CCKAR: variants seen among roughly 807,000 people sequenced by gnomAD.
CCKAR encodes the protein cholecystokinin A receptor, also known as cholecystokinin receptor type A.
A neutral mutation model predicts 29.8 loss-of-function variants in CCKAR; 21 were observed. The ratio of observed to expected loss-of-function variants is 0.70; its 90% confidence interval spans 0.50 to 1.01. The LOEUF (loss-of-function observed/expected upper bound fraction) is 1.01, where lower values mean the gene tolerates loss of function less well. Ranked by LOEUF, CCKAR falls within the 50% of genes least tolerant of loss-of-function variation. The probability of loss-of-function intolerance (pLI) is 0.00; values close to 1 mark genes in which losing one functional copy is unlikely to be tolerated. For missense variants in CCKAR, 570 were observed against 560.6 expected, an observed-to-expected ratio of 1.02 and a Z score of -0.17; for synonymous variants, 238 against 221.3, an observed-to-expected ratio of 1.08 and a Z score of -0.67.
intron 4 of CCKAR, 134 bp from the exon 5 acceptor site, chr4:26,482,304 A>T: frequency 4.1e-6 from 3 of 737,722 alleles, no homozygotes; most frequent in Non-Finnish European, 6.8e-6. Flanking sequence ...CTGGCCTTAC[A>T]CTGATATGGG....
Position 26,485,706 on chromosome 4 carries a change from G to C in CCKAR, c.557C>G (p.Thr186Ser). ...ATTCGCGGTCTGGTTGTTATTTTTGGTAAAAGGCACCAAGTTGCTATAAAT... is the reference window on the plus strand; with the variant it reads ...ATTCGCGGTCTGGTTGTTATTTTTGCTAAAAGGCACCAAGTTGCTATAAAT... The part of the protein sequence containing the change: ...YPIYSNLVPF[T>S]KNNNQTANMC... Residue 186 changes from threonine to serine, a missense_variant, in exon 3 of 5, where the codon ACC becomes AGC. By Grantham distance (58) the Thr-to-Ser change is moderately conservative. Transcript: ENST00000295589. 2 of 1,614,136 alleles carry C rather than the reference G, an allele frequency of 1.2e-6. No homozygotes were observed. Among genetic ancestry groups the C allele is most frequent in the Non-Finnish European group, 1.7e-6 (2 of 1,180,016 alleles).
chr4:26,485,961 A>G, intron 2 of CCKAR, 63 bp from the exon 3 acceptor site: 1 of 1,471,200 alleles, frequency 6.8e-7, no homozygotes, highest in Non-Finnish European at 9.4e-7. Flanking sequence ...TTTGCACATT[A>G]GCTTGAATAT....
chr4:26,481,444 C>G lies in CCKAR; in HGVS notation c.*194G>C. On this transcript the variant is annotated 3_prime_UTR_variant, in exon 5 of 5. Transcript: ENST00000295589. ...TATCCTGCTTTGAACTGCCTAGAAA[C>G]CAATCATGGCCCCACTGGAGCAGTG... 1.6e-6 allele frequency: 1 copy of G among 641,998 alleles called. No homozygotes were observed. 39.8% of individuals were successfully genotyped at this position (641,998 alleles called of 1,614,324 possible).
At chr4:26,488,587 T>C (rs1337759926) in intron 2 of CCKAR, among the ~76,000 whole-genome samples, 1 of 152,152 alleles carries the variant, frequency 6.6e-6, no homozygotes, top group Admixed American at 6.5e-5. Flanking sequence ...CCAATCAGGG[T>C]CAGCTTAGCG....
rs948330611 is a variant in CCKAR, at chr4:26,485,724, C to T, written c.539G>A (p.Ser180Asn). Residue 180 changes from serine to asparagine, a missense_variant, in exon 3 of 5, where the codon AGC (serine) becomes AAC (asparagine). Ser to Asn is a conservative substitution (Grantham distance 46). Transcript: ENST00000295589. ...ATTTTTGGTAAAAGGCACCAAGTTG[C>T]TATAAATGGGGTACGGAGTCATGAT... Reference protein sequence around the residue: ...FTIMTPYPIYSNLVPFTKNNN... With the variant: ...FTIMTPYPIYNNLVPFTKNNN... 4.3e-6 allele frequency: 7 copies of T among 1,614,166 alleles called. No homozygotes were observed. The South Asian group carries it at 5.5e-5, about 13-fold the overall frequency.
At position 26,481,622 on chromosome 4, in the gene CCKAR, A is replaced by C; in HGVS notation, c.*16T>G. 2 of 1,612,754 alleles carry C rather than the reference A, an allele frequency of 1.2e-6. No individual in the cohort carries two copies. Among genetic ancestry groups the C allele is most frequent in the Non-Finnish European group, 8.5e-7 (1 of 1,179,236 alleles). On this transcript the variant is annotated 3_prime_UTR_variant, in exon 5 of 5. Transcript: ENST00000295589. ...CCTCCCTGCCTTCCTTCTGCGGTGG[A>C]GGGTCAGGGGACATCTCACTGGGGT...
chr4:26,481,409 T>C lies in CCKAR; in HGVS notation c.*229A>G, dbSNP rs200714783. The C allele has an allele frequency of 1.0e-5, 6 of 584,808 alleles. No homozygotes were observed. Among genetic ancestry groups the C allele is most frequent in the Non-Finnish European group, 1.5e-5 (5 of 330,716 alleles). 36.2% of individuals were successfully genotyped at this position (584,808 alleles called of 1,614,324 possible). A position where few individuals can be genotyped will look rare whatever the true frequency, so the allele number is the denominator to read the frequency against. On this transcript the variant is annotated 3_prime_UTR_variant, in exon 5 of 5. Transcript: ENST00000295589. ...GCTGAGGATTTTCTGATGGTGAGTGTTACTTAACATATCCTGCTTTGAACT... is the reference window on the plus strand; with the variant it reads ...GCTGAGGATTTTCTGATGGTGAGTGCTACTTAACATATCCTGCTTTGAACT...
chr4:26,486,118 C>A (rs1737446199), intron 2 of CCKAR, among the ~76,000 whole-genome samples: 2 of 152,136 alleles, frequency 1.3e-5, no homozygotes, highest in Admixed American at 1.3e-4. Flanking sequence ...GTAAATATAT[C>A]TCATTGCCAA....
rs1737507328 is a variant in CCKAR, at chr4:26,489,299, T to C, written c.298A>G (p.Ile100Val). The C allele has an allele frequency of 6.2e-7, 1 of 1,613,890 alleles. No homozygotes were observed. The highest frequency in any genetic ancestry group is 1.3e-5 in the African/African-American group (1 of 74,860). The change falls in exon 2 of 5, where the codon ATC becomes GTC. Residue 100 changes from isoleucine (I) to valine (V), a missense_variant. By Grantham distance (29) the Ile-to-Val change is conservative (BLOSUM62 3). Coordinates refer to ENST00000295589, the MANE Select transcript of CCKAR (RefSeq NM_000730.3). ...ATGAAATCCTTGAGCAGATTGGGGA[T>C]GAGGTTGAACGGCATGCAGAAGAGA... is the stretch of plus-strand genomic sequence containing the variant. The part of the protein sequence containing the change: ...LCLFCMPFNL[I>V]PNLLKDFIFG...
At chr4:26,484,941 C>T (rs1292865047) in intron 3 of CCKAR, among the ~76,000 whole-genome samples, 4 of 149,466 alleles carry the variant, frequency 2.7e-5, no homozygotes, top group Non-Finnish European at 5.9e-5. Context: ...CCTGTAATCC[C>T]AGTACTTTGG....
At chr4:26,483,331 A>C in intron 3 of CCKAR, 48 bp from the exon 4 acceptor site, 2 of 1,593,158 alleles carry the variant, frequency 1.3e-6, no homozygotes, top group Non-Finnish European at 1.7e-6. Context: ...TAGACCTTCA[A>C]ACTCAAATGG....
chr4:26,482,215 C>T, intron 4 of CCKAR, 45 bp from the exon 5 acceptor site: 1 of 1,552,876 alleles, frequency 6.4e-7, no homozygotes, highest in Non-Finnish European at 8.7e-7. Context: ...ATGGGTCATG[C>T]CCGGTAGAAG....
chr4:26,490,016 C>T, intron 1 of CCKAR, 140 bp downstream of exon 1: 1 of 609,534 alleles, frequency 1.6e-6, no homozygotes. Flanking sequence ...ATCTCTTCTC[C>T]AAACTTCTGA....
At chr4:26,486,907 C>A (rs972973436) in intron 2 of CCKAR, among the ~76,000 whole-genome samples, 3 of 152,076 alleles carry the variant, frequency 2.0e-5, no homozygotes, top group African/African-American at 7.2e-5. Flanking sequence ...GAGCGGCACT[C>A]CATCTCAAAA....
Position 26,490,289 on chromosome 4 carries a change from A to C in CCKAR, c.-22T>G. ...CCATCCTTGCCTGCTGCTTTCCACC[A>C]AGTGCTGGAGAGCTGGTGAATTGCT... On this transcript the variant is annotated 5_prime_UTR_variant, in exon 1 of 5. Coordinates refer to ENST00000295589, the MANE Select transcript of CCKAR (RefSeq NM_000730.3). 6.6e-7 allele frequency: 1 copy of C among 1,507,132 alleles called. No individual in the cohort carries two copies. Among genetic ancestry groups the C allele is most frequent in the Non-Finnish European group, 9.2e-7 (1 of 1,083,238 alleles). 93.4% of individuals were successfully genotyped at this position (1,507,132 alleles called of 1,614,324 possible). A position where few individuals can be genotyped will look rare whatever the true frequency, so the allele number is the denominator to read the frequency against.
intron 3 of CCKAR, among the ~76,000 whole-genome samples, chr4:26,485,336 G>A (rs906493366): frequency 6.6e-6 from 1 of 151,976 alleles, no homozygotes; most frequent in African/African-American, 2.4e-5. Context: ...TTGTGAATTG[G>A]GAAACTTAAC....
At position 26,490,291 on chromosome 4, in the gene CCKAR, G is replaced by A; in HGVS notation, c.-24C>T. On this transcript the variant is annotated 5_prime_UTR_variant, in exon 1 of 5. Transcript: ENST00000295589. Reference sequence around the variant, plus strand: ...ATCCTTGCCTGCTGCTTTCCACCAAGTGCTGGAGAGCTGGTGAATTGCTCA... The same window carrying A: ...ATCCTTGCCTGCTGCTTTCCACCAAATGCTGGAGAGCTGGTGAATTGCTCA... The A allele has an allele frequency of 1.4e-6, 2 of 1,462,944 alleles. No individual in the cohort carries two copies. Among genetic ancestry groups the A allele is most frequent in the Non-Finnish European group, 1.9e-6 (2 of 1,042,790 alleles). The allele number at this position is 1,462,944 out of a possible 1,614,324, so 90.6% of individuals were successfully genotyped here.
chr4:26,482,432 T>G (rs1337396329), intron 4 of CCKAR, among the ~76,000 whole-genome samples: 1 of 152,186 alleles, frequency 6.6e-6, no homozygotes, highest in East Asian at 1.9e-4. Flanking sequence ...TATTAAAGAA[T>G]GAATATTCAC....
intron 2 of CCKAR, among the ~76,000 whole-genome samples, chr4:26,489,027 G>A (rs1737499954): frequency 6.6e-6 from 1 of 152,096 alleles, no homozygotes; most frequent in African/African-American, 2.4e-5. Flanking sequence ...CTCCAACATG[G>A]ATGATGGGGA....
Sources: gnomAD v4.1 joint callset for allele counts (sites outside exome capture counted in the v4.1 genomes callset) on GRCh38, gnomAD v4.1.1 for gene constraint, MANE v1.5 for transcripts, NCBI Gene and HGNC (gene_info 2026-07-23, HGNC 2026-07-21) for gene names.